The following SYT1 variants were observed in gnomAD, a reference collection of about 807,000 sequenced individuals.
SYT1 encodes synaptotagmin-1.
In SYT1, 8 loss-of-function variants were observed where a neutral mutation model predicts 44.8. The observed-to-expected ratio is 0.18, with a 90% CI of 0.10 to 0.32. The LOEUF (loss-of-function observed/expected upper bound fraction) is 0.32. SYT1 is among the 10% of genes least tolerant of loss of function. SYT1 has a pLI of 1.00. For missense variants in SYT1, 286 were observed against 509.3 expected (o/e 0.56, Z 4.22); for synonymous variants, 154 against 188.8 (o/e 0.82, Z 1.51).
intron 3 of SYT1, among the ~76,000 whole-genome samples, chr12:79,179,310 A>G (rs1227047266): frequency 2.7e-5 from 2 of 74,292 alleles, no homozygotes; most frequent in Non-Finnish European, 4.8e-5. Context: ...AGATATATCT[A>G]TATAGATATA....
intron 3 of SYT1, among the ~76,000 whole-genome samples, chr12:79,120,658 C>T (rs1879544497): frequency 6.6e-6 from 1 of 151,992 alleles, no homozygotes; most frequent in African/African-American, 2.4e-5. Flanking sequence ...GAACTGTAAG[C>T]ATCAAAGAAA....
chr12:79,112,188 C>T (rs1041756117), intron 3 of SYT1, among the ~76,000 whole-genome samples: 3 of 151,870 alleles, frequency 2.0e-5, no homozygotes, highest in African/African-American at 4.8e-5. Flanking sequence ...ATTGTGGACT[C>T]AAAAGAAAGA....
chr12:79,315,727 G>A lies in SYT1; in HGVS notation c.810+16176G>A, dbSNP rs143265056. On this transcript the variant is annotated intron_variant, in intron 8 of 10. Transcript: ENST00000261205. ...CACACTCCTTATTACCATTTCTATT[G>A]ATATAAGGGCAGTACTAAGGTTCAC... is the stretch of plus-strand genomic sequence containing the variant. Among the ~76,000 whole-genome samples, 55 of 152,216 alleles carry A rather than the reference G, an allele frequency of 3.6e-4. No homozygotes were observed. In the East Asian group the frequency reaches 8.5e-3, roughly 24 times the overall value.
At chr12:79,271,327 C>T (rs1471439803) in intron 4 of SYT1, among the ~76,000 whole-genome samples, 7 of 151,828 alleles carry the variant, frequency 4.6e-5, no homozygotes, top group South Asian at 4.2e-4. Context: ...TTTTTCCATC[C>T]GAGAGTTATA....
At chr12:79,228,948 T>C (rs956909503) in intron 4 of SYT1, among the ~76,000 whole-genome samples, 1 of 152,196 alleles carries the variant, frequency 6.6e-6, no homozygotes, top group African/African-American at 2.4e-5. Context: ...AAGGCAGAAA[T>C]ATATGAGTCT....
chr12:79,276,761 A>C (rs777652476), intron 4 of SYT1, among the ~76,000 whole-genome samples: 1 of 151,970 alleles, frequency 6.6e-6, no homozygotes, highest in East Asian at 1.9e-4. Flanking sequence ...TTTAACAGTA[A>C]ACTAGACCAA....
At chr12:79,020,043 A>G (rs1022039880) in intron 2 of SYT1, among the ~76,000 whole-genome samples, 1 of 151,952 alleles carries the variant, frequency 6.6e-6, no homozygotes, top group Admixed American at 6.6e-5. Context: ...TTGATACAGG[A>G]TCTGACATTT....
chr12:78,870,058 C>T (rs992295233), intron 1 of SYT1, among the ~76,000 whole-genome samples: 1 of 151,970 alleles, frequency 6.6e-6, no homozygotes, highest in Admixed American at 6.6e-5. Context: ...AAAATGAGAG[C>T]TGGGGAATTT....
intron 9 of SYT1, among the ~76,000 whole-genome samples, chr12:79,430,409 C>T (rs891490302): frequency 1.2e-4 from 18 of 152,202 alleles, no homozygotes; most frequent in African/African-American, 3.9e-4. Context: ...GTCTTCTCTT[C>T]CCAACTGAAC....
intron 1 of SYT1, among the ~76,000 whole-genome samples, chr12:78,915,055 A>T (rs1158913027): frequency 6.6e-6 from 1 of 151,284 alleles, no homozygotes; most frequent in Admixed American, 6.6e-5. Flanking sequence ...ATAGACTGGA[A>T]CTCAACTATG....
rs141764859 is a variant in SYT1 at position 79,005,403 on chromosome 12, C to T, written c.-84+27472C>T. On this transcript the variant is annotated intron_variant, in intron 2 of 10. Coordinates refer to ENST00000261205, the MANE Select transcript of SYT1 (RefSeq NM_005639.3). Reference sequence around the variant, plus strand: ...GATTGCAATCTCAGTTTTCCTTTTGCTGGCTCTAGATCTAGGACAAGTAAT... The same window carrying T: ...GATTGCAATCTCAGTTTTCCTTTTGTTGGCTCTAGATCTAGGACAAGTAAT... Among the ~76,000 whole-genome samples, 193 of 152,076 alleles carry T rather than the reference C, an allele frequency of 1.3e-3. 1 individual carries two copies. The highest frequency in any genetic ancestry group is 0.01 in the Middle Eastern group (3 of 294).
chr12:79,026,418 C>A (rs1052611151), intron 2 of SYT1, among the ~76,000 whole-genome samples: 3 of 150,928 alleles, frequency 2.0e-5, no homozygotes, highest in Admixed American at 6.6e-5. Flanking sequence ...GAAAAAATGC[C>A]CATTCTTATC....
At chr12:79,274,519 T>A (rs1381832387) in intron 4 of SYT1, among the ~76,000 whole-genome samples, 2 of 152,140 alleles carry the variant, frequency 1.3e-5, no homozygotes, top group Admixed American at 1.3e-4. Flanking sequence ...GCCAGGAAAC[T>A]TCCTTTCAAC....
intron 1 of SYT1, among the ~76,000 whole-genome samples, chr12:78,918,443 G>A (rs1876792979): frequency 6.6e-6 from 1 of 152,052 alleles, no homozygotes; most frequent in Non-Finnish European, 1.5e-5. Context: ...ACTGATTGAG[G>A]GAATTAAAAG....
chr12:78,870,744 G>C (rs554161642), intron 1 of SYT1, among the ~76,000 whole-genome samples: 1 of 152,048 alleles, frequency 6.6e-6, no homozygotes, highest in East Asian at 1.9e-4. Context: ...TTTACTTGAG[G>C]CTCATTTCCG....
chr12:79,411,450 T>G (rs1022559524), intron 9 of SYT1, among the ~76,000 whole-genome samples: 3 of 151,904 alleles, frequency 2.0e-5, no homozygotes, highest in Non-Finnish European at 4.4e-5. Context: ...GGAGGTGAAA[T>G]GGGTACTGAA....
chr12:79,362,747 A>G (rs1883367278), intron 9 of SYT1, among the ~76,000 whole-genome samples: 1 of 152,236 alleles, frequency 6.6e-6, no homozygotes, highest in Admixed American at 6.5e-5. Flanking sequence ...CCACAATACT[A>G]GAATCAGGAA....
intron 1 of SYT1, among the ~76,000 whole-genome samples, chr12:78,977,045 G>A (rs1408787393): frequency 6.6e-6 from 1 of 151,884 alleles, no homozygotes; most frequent in Non-Finnish European, 1.5e-5. Context: ...ATGCAATAGG[G>A]AGTGCATTAA....
chr12:79,064,984 G>GAAAGAAAGAA (rs1478142253), intron 3 of SYT1, among the ~76,000 whole-genome samples: 1 of 140,286 alleles, frequency 7.1e-6, no homozygotes, highest in Non-Finnish European at 1.6e-5. Flanking sequence ...AAGAAAGAAA[G>GAAAGAAAGAA]AAAGAAAGAA....
Sources: allele counts gnomAD v4.1 joint callset (sites outside exome capture counted in the v4.1 genomes callset), GRCh38; gene constraint gnomAD v4.1.1; transcripts MANE v1.5; gene names NCBI Gene and HGNC (gene_info 2026-07-23, HGNC 2026-07-21).